FBXL17: variants seen among roughly 807,000 people sequenced by gnomAD.
The protein encoded by FBXL17 is F-box and leucine rich repeat protein 17, also known as F-box/LRR-repeat protein 17.
Under a neutral mutation model 66.2 loss-of-function variants are expected in FBXL17, and 22 were observed. The ratio of observed to expected loss-of-function variants is 0.33; its 90% CI spans 0.24 to 0.47. The LOEUF is 0.47. FBXL17 is among the 20% of genes least tolerant of loss of function. The probability of loss-of-function intolerance (pLI) is 1.00; values close to 1 mark genes in which losing one functional copy is unlikely to be tolerated. For synonymous variants in FBXL17, 474 were observed against 400.5 expected (o/e 1.18, Z -2.19); for missense variants, 878 against 948.2 (o/e 0.93, Z 0.97).
At chr5:107,913,367 T>C (rs1750014329) in intron 7 of FBXL17, among the ~76,000 whole-genome samples, 2 of 151,942 alleles carry the variant, frequency 1.3e-5, no homozygotes, top group Non-Finnish European at 2.9e-5. Context: ...GCAGAGGAGA[T>C]GGGATGAGAG....
At chr5:108,046,020 T>C (rs1323245446) in intron 6 of FBXL17, among the ~76,000 whole-genome samples, 1 of 152,236 alleles carries the variant, frequency 6.6e-6, no homozygotes, top group East Asian at 1.9e-4. Context: ...GCTGATATTT[T>C]CTAATTGTTC....
chr5:108,145,102 A>T (rs997904178), intron 6 of FBXL17, among the ~76,000 whole-genome samples: 1 of 152,180 alleles, frequency 6.6e-6, no homozygotes, highest in African/African-American at 2.4e-5. Flanking sequence ...AGATAATAGT[A>T]AATTAGGATC....
intron 6 of FBXL17, among the ~76,000 whole-genome samples, chr5:108,055,282 A>G (rs1747645276): frequency 2.5e-5 from 1 of 40,228 alleles, no homozygotes; most frequent in Non-Finnish European, 4.6e-5. Flanking sequence ...AATTTTTAGA[A>G]AAAAAAAAAA....
chr5:108,040,017 T>C (rs1024537458), intron 6 of FBXL17, among the ~76,000 whole-genome samples: 7 of 152,206 alleles, frequency 4.6e-5, no homozygotes, highest in Admixed American at 4.6e-4. Flanking sequence ...GTTTATATTA[T>C]AGTTTCTCTA....
chr5:108,067,308 T>C (rs1490820820), intron 6 of FBXL17, among the ~76,000 whole-genome samples: 2 of 152,194 alleles, frequency 1.3e-5, no homozygotes, highest in Non-Finnish European at 2.9e-5. Context: ...TACTTCTATC[T>C]TCCTTCTGGG....
chr5:108,009,308 T>TAGATAGATAGATATATATACACAC, intron 7 of FBXL17, among the ~76,000 whole-genome samples: 4 of 42,210 alleles, frequency 9.5e-5, no homozygotes, highest in Admixed American at 2.9e-4. Flanking sequence ...TATACATATA[T>TAGATAGATAGATATATATACACAC]ACATACACAT....
intron 5 of FBXL17, among the ~76,000 whole-genome samples, chr5:108,204,778 C>T (rs1048901869): frequency 2.6e-5 from 4 of 151,742 alleles, no homozygotes; most frequent in Admixed American, 1.3e-4. Flanking sequence ...GTTAGACTAA[C>T]ATCAACATTT....
At chr5:107,879,501 G>C (rs917013766) in intron 8 of FBXL17, 4 of 985,404 alleles carry the variant, frequency 4.1e-6, no homozygotes, top group Non-Finnish European at 4.8e-6. Context: ...TCGCTTCTGG[G>C]CTGGGCTGAG....
In FBXL17 at chr5:108,380,957, G is replaced by C; in HGVS notation, c.735C>G (p.Ala245=). 8.2e-7 allele frequency: 1 copy of C among 1,221,206 alleles called. No individual in the cohort carries two copies. The highest frequency in any genetic ancestry group is 1.0e-6 in the Non-Finnish European group (1 of 980,196). 75.6% of individuals were successfully genotyped at this position (1,221,206 alleles called of 1,614,324 possible). The change falls in exon 1 of 9, where the codon GCC becomes GCG. Residue 245 remains alanine, a synonymous_variant. Transcript: ENST00000542267. ...GGASPPRPPD[A]GCCQAPEQPP... ...GCTGCTCCGGGGCCTGGCAGCAGCC[G>C]GCGTCGGGGGGCCGGGGCGGCGAAG...
chr5:108,009,302 C>CAG (rs1754084984), intron 7 of FBXL17, among the ~76,000 whole-genome samples: 3 of 33,204 alleles, frequency 9.0e-5, no homozygotes, highest in Non-Finnish European at 1.8e-4. Flanking sequence ...TATATATATA[C>CAG]ATATATACAT....
intron 7 of FBXL17, among the ~76,000 whole-genome samples, chr5:107,906,304 T>C (rs1749756761): frequency 6.6e-6 from 1 of 152,148 alleles, no homozygotes; most frequent in Non-Finnish European, 1.5e-5. Flanking sequence ...CTTCATATAC[T>C]AATGCTTAAT....
At chr5:108,075,023 T>C (rs1270470440) in intron 6 of FBXL17, among the ~76,000 whole-genome samples, 2 of 152,236 alleles carry the variant, frequency 1.3e-5, no homozygotes, top group African/African-American at 4.8e-5. Context: ...TTCCCTTTTG[T>C]GGGGAACCCA....
At chr5:108,022,002 T>TTA (rs1471109102) in intron 6 of FBXL17, among the ~76,000 whole-genome samples, 1 of 151,946 alleles carries the variant, frequency 6.6e-6, no homozygotes, top group African/African-American at 2.4e-5. Flanking sequence ...GCTGTCTGGC[T>TTA]TATTTGTAGG....
intron 4 of FBXL17, among the ~76,000 whole-genome samples, chr5:108,265,215 G>T (rs927520640): frequency 2.0e-5 from 3 of 151,848 alleles, no homozygotes; most frequent in Non-Finnish European, 4.4e-5. Context: ...TTCATTTTCT[G>T]AAATACTTTA....
intron 6 of FBXL17, among the ~76,000 whole-genome samples, chr5:108,068,094 G>A (rs1027599455): frequency 5.9e-5 from 9 of 152,032 alleles, no homozygotes; most frequent in African/African-American, 2.2e-4. Flanking sequence ...CATACTTTCA[G>A]ATAGCCTAAA....
At chr5:108,149,048 T>C (rs1751668443) in intron 6 of FBXL17, among the ~76,000 whole-genome samples, 1 of 152,194 alleles carries the variant, frequency 6.6e-6, no homozygotes, top group Admixed American at 6.5e-5. Context: ...TTGTCAAGGT[T>C]ACAAAGCACA....
intron 7 of FBXL17, among the ~76,000 whole-genome samples, chr5:107,965,762 CA>C (rs1358045338): frequency 6.6e-6 from 1 of 152,096 alleles, no homozygotes. Context: ...GAATTAGGAC[CA>C]ATTTAGTGAT....
intron 4 of FBXL17, among the ~76,000 whole-genome samples, chr5:108,335,737 T>TA (rs556765001): frequency 2.0e-4 from 30 of 152,116 alleles, no homozygotes; most frequent in African/African-American, 5.6e-4. Context: ...ATTATATTCT[T>TA]AAAAAAACCC....
At position 108,254,936 on chromosome 5, in the gene FBXL17, C is replaced by T. The variant is rs952834937; in HGVS notation, c.1507-30708G>A. Among the ~76,000 whole-genome samples the T allele has an allele frequency of 6.6e-5, 10 of 152,134 alleles. No homozygotes were observed. In the South Asian group the frequency reaches 2.1e-3, roughly 31 times the overall value. On this transcript the variant is annotated intron_variant, in intron 4 of 8. Transcript: ENST00000542267. ...CTGTAATATGACACTATGCAATCTG[C>T]ACAATAAAGTTATTGCTTTACATAC...
Sources: gnomAD v4.1 joint callset for allele counts (sites outside exome capture counted in the v4.1 genomes callset) on GRCh38, gnomAD v4.1.1 for gene constraint, MANE v1.5 for transcripts, NCBI Gene and HGNC (gene_info 2026-07-23, HGNC 2026-07-21) for gene names.